The following WRAP73 variants were observed in gnomAD, a reference collection of about 807,000 sequenced individuals.
WRAP73 encodes the protein WD repeat-containing protein WRAP73.
Under a neutral mutation model 59.6 loss-of-function variants are expected in WRAP73, and 55 were observed. The observed-to-expected ratio is 0.92, with a 90% CI of 0.74 to 1.15. WRAP73 has a LOEUF of 1.15. WRAP73 is among the 50% of genes most tolerant of loss of function. The pLI is 0.00. For synonymous variants in WRAP73, 265 were observed against 258.2 expected, an observed-to-expected ratio of 1.03 and a Z score of -0.25; for missense variants, 592 against 608.1, an observed-to-expected ratio of 0.97 and a Z score of 0.28.
In WRAP73 at chr1:3,646,955, C is replaced by T. The variant is rs1189751160; in HGVS notation, c.223-173G>A. On this transcript the variant is annotated intron_variant, in intron 2 of 11. Transcript: ENST00000270708. The surrounding 1 kb of genome is among the most constrained non-coding windows in gnomAD (Gnocchi z 5.1). Reference sequence around the variant, plus strand: ...ACAACTCCCTTAAAACCAGCAGAGACCCGATCACACAGGGTGTCTTTTAGA... The same window carrying T: ...ACAACTCCCTTAAAACCAGCAGAGATCCGATCACACAGGGTGTCTTTTAGA... Among the ~76,000 whole-genome samples the T allele has an allele frequency of 6.6e-6, 1 of 152,188 alleles. No homozygotes were observed. Among genetic ancestry groups the T allele is most frequent in the Non-Finnish European group, 1.5e-5 (1 of 68,024 alleles).
In WRAP73 at chr1:3,631,115, C is replaced by CCTTT. The variant is rs1570288141; in HGVS notation, c.1242_1243insAAAG (p.Asp415LysfsTer53). 6.2e-7 allele frequency: 1 copy of CCTTT among 1,613,084 alleles called. No individual in the cohort carries two copies. The highest frequency in any genetic ancestry group is 1.3e-5 in the African/African-American group (1 of 74,952). ...CAGCACAGAGAGAGCACTGCAAAGTCGCCTAGAGAGAGACAGGTGGCCAGA... is the reference window on the plus strand; with the variant it reads ...CAGCACAGAGAGAGCACTGCAAAGTCCTTTGCCTAGAGAGAGACAGGTGGCCAGA... On this transcript the variant is annotated frameshift_variant and splice_region_variant, in exon 12 of 12. Transcript: ENST00000270708. LOFTEE classifies it low-confidence loss of function (END_TRUNC).
rs559856891 is a variant in WRAP73 at position 3,649,993 on chromosome 1, A to C, written c.7T>G (p.Phe3Val). 2 of 1,592,510 alleles carry C rather than the reference A, an allele frequency of 1.3e-6. No individual in the cohort carries two copies. Among genetic ancestry groups the C allele is most frequent in the South Asian group, 2.3e-5 (2 of 88,200 alleles). Residue 3 changes from phenylalanine (F) to valine (V), a missense_variant, in exon 1 of 12, where the codon TTC (phenylalanine) becomes GTC (valine). Transcript: ENST00000270708. MN[F>V]SEVFKLSSLL... ...CTGGAGAGCTTGAATACCTCGGAGAAGTTCATGGCCGCCGCCTGCCGCGGG... is the reference window on the plus strand; with the variant it reads ...CTGGAGAGCTTGAATACCTCGGAGACGTTCATGGCCGCCGCCTGCCGCGGG...
Position 3,633,503 on chromosome 1 carries a change from C to A in WRAP73, c.817G>T (p.Val273Leu). 6.3e-7 allele frequency: 1 copy of A among 1,589,838 alleles called. No homozygotes were observed. The highest frequency in any genetic ancestry group is 8.5e-7 in the Non-Finnish European group (1 of 1,172,024). ...CTCTTCTCGGCCTCCTTATACACCA[C>A]CTGAAAGACACAAGGTGGCCACGCC... Reference protein sequence around the residue: ...HPAAINDPKIVVYKEAEKSPQ... With the variant: ...HPAAINDPKILVYKEAEKSPQ... The change falls in exon 9 of 12, where the codon GTG becomes TTG. Residue 273 changes from valine (V) to leucine (L), a missense_variant and splice_region_variant. Transcript: ENST00000270708.
In WRAP73 at chr1:3,631,605, G is replaced by C; in HGVS notation, c.1101C>G (p.Phe367Leu). Residue 367 changes from phenylalanine to leucine, a missense_variant, in exon 11 of 12, where the codon TTC becomes TTG. Coordinates refer to ENST00000270708, the MANE Select transcript of WRAP73 (RefSeq NM_017818.4). ...WVWDIQKLRL[F>L]AVLEQLSPVR... is the part of the protein sequence containing the mutation. Reference sequence around the variant, plus strand: ...CTGGGGACAGCTGCTCGAGCACCGCGAACAGCCTCAGCTTCTGAATGTCCC... The same window carrying C: ...CTGGGGACAGCTGCTCGAGCACCGCCAACAGCCTCAGCTTCTGAATGTCCC... 6.2e-7 allele frequency: 1 copy of C among 1,605,686 alleles called. No individual in the cohort carries two copies. The highest frequency in any genetic ancestry group is 1.7e-5 in the Admixed American group (1 of 60,012).
rs1307508937 is a variant in WRAP73 at position 3,646,686 on chromosome 1, G to A, written c.319C>T (p.Leu107Phe). 1.2e-6 allele frequency: 2 copies of A among 1,603,524 alleles called. No homozygotes were observed. The highest frequency in any genetic ancestry group is 8.5e-7 in the Non-Finnish European group (1 of 1,172,694). The change falls in exon 3 of 12, where the codon CTC (leucine) becomes TTC (phenylalanine). Residue 107 changes from leucine to phenylalanine, a missense_variant. Transcript: ENST00000270708. This position sits in a 1 kb window ranked among gnomAD's most constrained non-coding sequence, Gnocchi z 5.1. ...CTTACATGGAATTCCGTGGTGTTGA[G>A]AATGTGGCGCCCGTCCGGGCTCCAG... ...SCWSPDGRHI[L>F]NTTEFHLRIT...
At chr1:3,638,320 A>C (rs1047065997) in intron 4 of WRAP73, among the ~76,000 whole-genome samples, 3 of 152,214 alleles carry the variant, frequency 2.0e-5, no homozygotes, top group African/African-American at 4.8e-5. Flanking sequence ...TGGGATGCCC[A>C]GAGATGACAG....
chr1:3,635,887 C>G, intron 6 of WRAP73, 57 bp downstream of exon 6: 2 of 1,415,990 alleles, frequency 1.4e-6, no homozygotes, highest in Admixed American at 3.5e-5. Flanking sequence ...ATTCAGAAAG[C>G]ATGAAATTCC....
At chr1:3,636,246 A>G (rs1644588310) in intron 5 of WRAP73, 1 of 569,884 alleles carries the variant, frequency 1.8e-6, no homozygotes, top group Admixed American at 3.0e-5. Flanking sequence ...CCAGCCCCCA[A>G]GGGCGGCTTG....
rs1644620433 is a variant in WRAP73 at position 3,639,703 on chromosome 1, GCTGA to G, written c.340-885_340-882del. ...GGGGACACAAGGTGCGGGGTGGGGT[GCTGA>G]CTGCCAGCTCCGTGTGTGGGGACAC... On this transcript the variant is annotated intron_variant, in intron 3 of 11. Transcript: ENST00000270708. The surrounding 1 kb of genome is among the most constrained non-coding windows in gnomAD (Gnocchi z 4.3). 1 of 152,122 alleles carries G rather than the reference GCTGA, an allele frequency of 6.6e-6. No homozygotes were observed. The highest frequency in any genetic ancestry group is 1.5e-5 in the Non-Finnish European group (1 of 68,058). 9.4% of individuals were successfully genotyped at this position (152,122 alleles called of 1,614,324 possible). A position where few individuals can be genotyped will look rare whatever the true frequency, so the allele number is the denominator to read the frequency against.
At position 3,633,474 on chromosome 1, in the gene WRAP73, T is replaced by C; in HGVS notation, c.846A>G (p.Pro282=). 1 of 1,609,694 alleles carries C rather than the reference T, an allele frequency of 6.2e-7. No homozygotes were observed. The highest frequency in any genetic ancestry group is 8.5e-7 in the Non-Finnish European group (1 of 1,179,046). Residue 282 remains proline, a synonymous_variant, in exon 9 of 12, where the codon CCA becomes CCG. Coordinates refer to ENST00000270708, the MANE Select transcript of WRAP73 (RefSeq NM_017818.4). ...IVVYKEAEKS[P]QLGLGCLSFP... ...AGGAGAGGCAGCCCAGTCCCAGCTG[T>C]GGGCTCTTCTCGGCCTCCTTATACA... is the stretch of plus-strand genomic sequence containing the variant.
intron 3 of WRAP73, among the ~76,000 whole-genome samples, chr1:3,645,382 G>C (rs531757009): frequency 2.9e-4 from 39 of 135,254 alleles, no homozygotes; most frequent in African/African-American, 1.2e-3. Context: ...TGGTGTGCGT[G>C]GCGCAGCGGG....
intron 9 of WRAP73, 154 bp from the exon 10 acceptor site, chr1:3,632,492 A>C (rs1644546347): frequency 3.2e-6 from 4 of 1,249,130 alleles, no homozygotes; most frequent in Non-Finnish European, 4.5e-6. Flanking sequence ...GAGCTAAGCA[A>C]AGCCTGGCAG....
chr1:3,634,079 C>A, intron 8 of WRAP73: 1 of 153,276 alleles, frequency 6.5e-6, no homozygotes, highest in Non-Finnish European at 1.5e-5. Context: ...ACAGGCAAAC[C>A]TTCAGGACCT....
At chr1:3,636,298 C>T (rs1263168570) in intron 5 of WRAP73, 2 of 453,764 alleles carry the variant, frequency 4.4e-6, no homozygotes, top group Admixed American at 3.8e-5. Context: ...CTCCCCCTCA[C>T]CTTTCCTTGC....
intron 3 of WRAP73, among the ~76,000 whole-genome samples, chr1:3,640,586 A>G (rs79422006): frequency 3.4e-5 from 3 of 88,014 alleles, no homozygotes; most frequent in Non-Finnish European, 6.7e-5. Context: ...TCAGCAGGGC[A>G]GGGTGGAACG....
At chr1:3,634,971 G>C in intron 8 of WRAP73, 26 bp downstream of exon 8, 1 of 1,613,582 alleles carries the variant, frequency 6.2e-7, no homozygotes, top group Non-Finnish European at 8.5e-7. Context: ...AGCCTGCTCA[G>C]GCAGAAACAC....
At position 3,650,022 on chromosome 1, in the gene WRAP73, C is replaced by T. The variant is rs1570316232; in HGVS notation, c.-23G>A. 1 of 1,580,460 alleles carries T rather than the reference C, an allele frequency of 6.3e-7. No individual in the cohort carries two copies. On this transcript the variant is annotated 5_prime_UTR_variant, in exon 1 of 12. Transcript: ENST00000270708. ...CATGGCCGCCGCCTGCCGCGGGCGC[C>T]ACCCTGCGCCCGAAAACCCGCGGGA...
intron 8 of WRAP73, chr1:3,634,526 G>A (rs1029176473): frequency 1.6e-5 from 3 of 189,254 alleles, no homozygotes; most frequent in Admixed American, 5.3e-5. Context: ...CCTCGCTGGT[G>A]GCCACTCCCT....
chr1:3,633,351 T>C, intron 9 of WRAP73, 47 bp downstream of exon 9: 2 of 1,519,342 alleles, frequency 1.3e-6, no homozygotes, highest in South Asian at 2.2e-5. Context: ...CAACGAGGAA[T>C]CTTGCATTAA....
Sources: allele counts gnomAD v4.1 joint callset (sites outside exome capture counted in the v4.1 genomes callset), GRCh38; gene constraint gnomAD v4.1.1; non-coding constraint Gnocchi (gnomAD v3.1); transcripts MANE v1.5; gene names NCBI Gene and HGNC (gene_info 2026-07-23, HGNC 2026-07-21).